Variants in DOCK8 observed in about 807,000 individuals in gnomAD.
DOCK8 encodes the protein dedicator of cytokinesis 8.
A neutral mutation model predicts 245.6 loss-of-function variants in DOCK8; 141 were observed. The ratio of observed to expected loss-of-function variants is 0.57; its 90% CI spans 0.50 to 0.66. The LOEUF (loss-of-function observed/expected upper bound fraction) is 0.66. DOCK8 is among the 30% of genes least tolerant of loss of function. DOCK8 has a pLI of 0.00. For missense variants in DOCK8, 2,965 were observed against 2,603.4 expected, an observed-to-expected ratio of 1.14 and a Z score of -3.02; for synonymous variants, 1,168 against 970.2, an observed-to-expected ratio of 1.20 and a Z score of -3.79.
intron 1 of DOCK8, among the ~76,000 whole-genome samples, chr9:246,506 C>A (rs912952553): frequency 6.2e-5 from 7 of 113,378 alleles, no homozygotes; most frequent in Non-Finnish European, 1.4e-4. Context: ...CAGAGTGAGA[C>A]CCTGTCTCAG....
intron 11 of DOCK8, among the ~76,000 whole-genome samples, chr9:336,195 T>C (rs1234124895): frequency 2.0e-5 from 3 of 152,186 alleles, no homozygotes; most frequent in Non-Finnish European, 2.9e-5. Context: ...CAGGGGCATT[T>C]GAGTACATGC....
intron 1 of DOCK8, among the ~76,000 whole-genome samples, chr9:269,528 G>T (rs2048108985): frequency 7.1e-6 from 1 of 140,574 alleles, no homozygotes; most frequent in Non-Finnish European, 1.5e-5. Context: ...TCATGTGTAA[G>T]TTTTTGTGGG....
At chr9:285,797 A>G (rs1035486686) in intron 2 of DOCK8, among the ~76,000 whole-genome samples, 2 of 152,212 alleles carry the variant, frequency 1.3e-5, no homozygotes, top group Non-Finnish European at 2.9e-5. Flanking sequence ...AAATTTAGCT[A>G]TATGAAAACT....
chr9:262,767 A>C (rs2047947942), intron 1 of DOCK8, among the ~76,000 whole-genome samples: 3 of 152,174 alleles, frequency 2.0e-5, no homozygotes. Flanking sequence ...CTAATTGTAT[A>C]CTTTAAATAT....
intron 26 of DOCK8, among the ~76,000 whole-genome samples, chr9:400,316 C>T (rs1295111471): frequency 2.2e-5 from 2 of 92,056 alleles, no homozygotes; most frequent in South Asian, 4.4e-4. Flanking sequence ...ACCGTCACCA[C>T]CACCTCCACC....
At chr9:407,622 T>G (rs2055497388) in intron 28 of DOCK8, among the ~76,000 whole-genome samples, 1 of 105,146 alleles carries the variant, frequency 9.5e-6, no homozygotes, top group African/African-American at 5.3e-5. Context: ...AGCCTAGAAG[T>G]CAACAGACAG....
chr9:230,306 G>GA (rs2047082806), intron 1 of DOCK8, among the ~76,000 whole-genome samples: 6 of 142,254 alleles, frequency 4.2e-5, no homozygotes, highest in African/African-American at 1.7e-4. Flanking sequence ...TCTATCGTTG[G>GA]GCATTTGGGT....
chr9:327,040 C>G lies in DOCK8; in HGVS notation c.895-982C>G, dbSNP rs183301301. Among the ~76,000 whole-genome samples, 39 of 152,354 alleles carry G rather than the reference C, an allele frequency of 2.6e-4. 1 individual carries two copies. Among genetic ancestry groups the G allele is most frequent in the Admixed American group, 2.2e-3 (33 of 15,306 alleles). ...CTTGCTCAGAATCTTCACTAAGATTCATTCCCTACAACCAGGCTTTCTTCA... is the reference window on the plus strand; with the variant it reads ...CTTGCTCAGAATCTTCACTAAGATTGATTCCCTACAACCAGGCTTTCTTCA... On this transcript the variant is annotated intron_variant, in intron 8 of 47. Transcript: ENST00000432829.
At chr9:260,718 A>G (rs1010602670) in intron 1 of DOCK8, among the ~76,000 whole-genome samples, 1 of 152,238 alleles carries the variant, frequency 6.6e-6, no homozygotes, top group Non-Finnish European at 1.5e-5. Flanking sequence ...GTTTTATAGT[A>G]GAATACATAT....
At chr9:463,770 C>T in intron 47 of DOCK8, 83 bp downstream of exon 47, 1 of 1,531,964 alleles carries the variant, frequency 6.5e-7, no homozygotes. Flanking sequence ...TGCTCTGCTG[C>T]ACTTGGGGAG....
intron 15 of DOCK8, chr9:369,059 G>A (rs1399625504): frequency 2.6e-5 from 4 of 151,730 alleles, no homozygotes; most frequent in Non-Finnish European, 1.5e-5. Context: ...ACCCGCCTTG[G>A]CCTCCTAAAG....
intron 2 of DOCK8, among the ~76,000 whole-genome samples, chr9:280,467 GT>G (rs2048531318): frequency 1.3e-5 from 2 of 152,200 alleles, no homozygotes; most frequent in African/African-American, 2.4e-5. Context: ...TACTGCTGGT[GT>G]GTGGCTAAGC....
At position 312,119 on chromosome 9, in the gene DOCK8, A is replaced by G. The variant is rs892239062; in HGVS notation, c.694A>G (p.Thr232Ala). 7.4e-6 allele frequency: 12 copies of G among 1,614,108 alleles called. No individual in the cohort carries two copies. The highest frequency in any genetic ancestry group is 9.3e-6 in the Non-Finnish European group (11 of 1,180,048). ...FEKQNEEARR[T>A]NRQAELFALY... ...GAAGCAGAACGAGGAGGCCCGGAGGACCAATAGGCAGGCCGAGCTCTTTGC... is the reference window on the plus strand; with the variant it reads ...GAAGCAGAACGAGGAGGCCCGGAGGGCCAATAGGCAGGCCGAGCTCTTTGC... The change falls in exon 6 of 48, where the codon ACC (threonine) becomes GCC (alanine). Residue 232 changes from threonine (T) to alanine (A), a missense_variant. Coordinates refer to ENST00000432829, the MANE Select transcript of DOCK8 (RefSeq NM_203447.4).
chr9:343,276 T>G (rs1190287286), intron 14 of DOCK8, among the ~76,000 whole-genome samples: 2 of 152,092 alleles, frequency 1.3e-5, no homozygotes, highest in Non-Finnish European at 2.9e-5. Context: ...GAGGACTGCT[T>G]GAGTCTAGGA....
At chr9:404,871 T>C (rs764364343) in intron 26 of DOCK8, 47 bp from the exon 27 acceptor site, 2 of 1,610,424 alleles carry the variant, frequency 1.2e-6, no homozygotes, top group African/African-American at 1.3e-5. Flanking sequence ...TCAACTCCAC[T>C]TACCTTGTAA....
At chr9:282,320 C>A (rs998435869) in intron 2 of DOCK8, among the ~76,000 whole-genome samples, 3 of 151,822 alleles carry the variant, frequency 2.0e-5, no homozygotes, top group African/African-American at 7.3e-5. Flanking sequence ...ATAGTCTCTC[C>A]TGTAGATAAC....
At chr9:285,363 G>T (rs2048775414) in intron 2 of DOCK8, among the ~76,000 whole-genome samples, 1 of 152,066 alleles carries the variant, frequency 6.6e-6, no homozygotes, top group Non-Finnish European at 1.5e-5. Context: ...ACTTCCCTTG[G>T]ATCTGCCCTT....
chr9:316,880 G>C (rs954446489), intron 6 of DOCK8, among the ~76,000 whole-genome samples, 163 bp from the exon 7 acceptor site: 12 of 152,234 alleles, frequency 7.9e-5, no homozygotes, highest in African/African-American at 2.9e-4. Context: ...TTGAGGTTGG[G>C]GGTTGGAAGA....
chr9:275,445 T>C (rs775999693), intron 2 of DOCK8, among the ~76,000 whole-genome samples: 28 of 152,164 alleles, frequency 1.8e-4, no homozygotes, highest in Non-Finnish European at 1.9e-4. Context: ...CAGCCCTGAC[T>C]GGACATTAAA....
Sources: gnomAD v4.1 joint callset for allele counts (sites outside exome capture counted in the v4.1 genomes callset) on GRCh38, gnomAD v4.1.1 for gene constraint, MANE v1.5 for transcripts, NCBI Gene and HGNC (gene_info 2026-07-23, HGNC 2026-07-21) for gene names.